The following CLUAP1 variants were observed in gnomAD, a reference collection of about 807,000 sequenced individuals.
CLUAP1 encodes intraflagellar transport 38, also known as clusterin-associated protein 1.
CLUAP1 carries 50 observed loss-of-function variants against 55.0 expected under a neutral mutation model. That is an observed-to-expected ratio of 0.91 (90% confidence interval 0.72 to 1.15). The LOEUF (loss-of-function observed/expected upper bound fraction) is 1.15, where lower values mean the gene tolerates loss of function less well. Ranked by LOEUF, CLUAP1 falls within the 50% of genes most tolerant of loss-of-function variation. CLUAP1 has a pLI of 0.00. For synonymous variants in CLUAP1, 195 were observed against 175.4 expected (o/e 1.11, Z -0.88); for missense variants, 530 against 507.6 (o/e 1.04, Z -0.42).
In CLUAP1 at chr16:3,520,001, A is replaced by T; in HGVS notation, c.678A>T (p.Arg226Ser). ...AAAAGAGAAAATTAGAACTGGAAAGAAATCGGAAGCGACTAGAGACTCTGC... is the reference window on the plus strand; with the variant it reads ...AAAAGAGAAAATTAGAACTGGAAAGTAATCGGAAGCGACTAGAGACTCTGC... ...KIEKRKLELE[R>S]NRKRLETLQS... The change falls in exon 7 of 12, where the codon AGA becomes AGT. Residue 226 changes from arginine to serine, a missense_variant. Coordinates refer to ENST00000576634, the MANE Select transcript of CLUAP1 (RefSeq NM_015041.3). 1 of 1,613,684 alleles carries T rather than the reference A, an allele frequency of 6.2e-7. No individual in the cohort carries two copies. Among genetic ancestry groups the T allele is most frequent in the Non-Finnish European group, 8.5e-7 (1 of 1,179,884 alleles).
At chr16:3,526,190 C>T (rs895195409) in intron 8 of CLUAP1, among the ~76,000 whole-genome samples, 1 of 152,154 alleles carries the variant, frequency 6.6e-6, no homozygotes, top group African/African-American at 2.4e-5. Flanking sequence ...TCACTCTGGG[C>T]GCCCCTGTCC....
Position 3,509,185 on chromosome 16 carries a change from A to G in CLUAP1, c.399+717A>G, listed in dbSNP as rs937098233. Among the ~76,000 whole-genome samples the G allele has an allele frequency of 8.5e-5, 13 of 152,292 alleles. No homozygotes were observed. In the East Asian group the frequency reaches 2.5e-3, roughly 29 times the overall value. ...TGAGGTGGGAAGATCTCTTGAGCCCAGGCAGTCAAGCCATGTTCATGGCAC... is the reference window on the plus strand; with the variant it reads ...TGAGGTGGGAAGATCTCTTGAGCCCGGGCAGTCAAGCCATGTTCATGGCAC... On this transcript the variant is annotated intron_variant, in intron 4 of 11. Coordinates refer to ENST00000576634, the MANE Select transcript of CLUAP1 (RefSeq NM_015041.3).
At chr16:3,500,994 A>T, upstream of CLUAP1, 2 of 1,483,028 alleles carry the variant, frequency 1.3e-6, no homozygotes, top group Non-Finnish European at 1.8e-6. Context: ...TGCCATAGAG[A>T]TCGTCGAGCG....
chr16:3,497,524 G>A (rs184051024), upstream of CLUAP1, among the ~76,000 whole-genome samples: 8 of 152,234 alleles, frequency 5.3e-5, no homozygotes, highest in Admixed American at 1.3e-4. Flanking sequence ...AAATCAAAAT[G>A]GCCTTCATGT....
At chr16:3,533,416 A>G in intron 11 of CLUAP1, 1 of 502,098 alleles carries the variant, frequency 2.0e-6, no homozygotes, top group East Asian at 3.5e-5. Flanking sequence ...GAGGACGCCG[A>G]GGGCCGGGCT....
At chr16:3,532,403 C>CTTTT (rs58037008) in intron 10 of CLUAP1, among the ~76,000 whole-genome samples, 2 of 50,728 alleles carry the variant, frequency 3.9e-5, no homozygotes, top group Non-Finnish European at 7.0e-5. Flanking sequence ...AGCACAGTTG[C>CTTTT]TTTTTTTTTT....
At chr16:3,496,504 T>G (rs918417035), upstream of CLUAP1, 30 of 615,164 alleles carry the variant, frequency 4.9e-5, no homozygotes, top group South Asian at 3.7e-4. Flanking sequence ...AAACTTAAGG[T>G]GTGTGCGCTG....
Position 3,536,472 on chromosome 16 carries a change from A to T in CLUAP1, c.*201A>T, listed in dbSNP as rs2038233599. 3 of 521,902 alleles carry T rather than the reference A, an allele frequency of 5.7e-6. No homozygotes were observed. The highest frequency in any genetic ancestry group is 9.8e-6 in the Non-Finnish European group (3 of 305,736). The allele number at this position is 521,902 out of a possible 1,614,324, so 32.3% of individuals were successfully genotyped here. On this transcript the variant is annotated 3_prime_UTR_variant, in exon 12 of 12. Transcript: ENST00000576634. The stretch of plus-strand genomic sequence containing the variant: ...ATAAGAATTGAAGCAAATCCCTAAG[A>T]TTTATTTTTTTCCACCTTATTTATC...
At chr16:3,527,541 C>T (rs1009846546) in intron 9 of CLUAP1, among the ~76,000 whole-genome samples, 17 of 152,166 alleles carry the variant, frequency 1.1e-4, no homozygotes, top group East Asian at 3.9e-4. Context: ...GAAAGGGAGT[C>T]TCCCTTTCCC....
In CLUAP1 at chr16:3,537,998, C is replaced by CCA. The variant is rs2038267822; in HGVS notation, c.*1727_*1728insCA. ...TGGGCAGCAGAGTGAGACTCCATCT[C>CCA]AAAAAAAAAAAAAAAAAAAAAAGCA... On this transcript the variant is annotated 3_prime_UTR_variant, in exon 12 of 12. Transcript: ENST00000576634. 1 of 36,712 alleles carries CCA rather than the reference C, an allele frequency of 2.7e-5. No homozygotes were observed. Among genetic ancestry groups the CCA allele is most frequent in the Non-Finnish European group, 5.3e-5 (1 of 18,780 alleles). The allele number at this position is 36,712 out of a possible 1,614,324, so 2.3% of individuals were successfully genotyped here.
chr16:3,523,594 T>C (rs985255935), intron 8 of CLUAP1, among the ~76,000 whole-genome samples: 4 of 152,232 alleles, frequency 2.6e-5, no homozygotes, highest in Non-Finnish European at 5.9e-5. Context: ...ATGGGGCCTG[T>C]GCTTGCTTTC....
At chr16:3,518,827 G>C (rs1267440548) in intron 6 of CLUAP1, among the ~76,000 whole-genome samples, 3 of 152,218 alleles carry the variant, frequency 2.0e-5, no homozygotes, top group Non-Finnish European at 2.9e-5. Context: ...CCATGCCTGA[G>C]AGTTGTGGAG....
chr16:3,496,583 G>T, upstream of CLUAP1: 2 of 537,488 alleles, frequency 3.7e-6, no homozygotes, highest in South Asian at 2.8e-5. Flanking sequence ...CGATCAGCTG[G>T]CCCTGGACTC....
At chr16:3,507,717 T>TGTGC (rs1177143244) in intron 3 of CLUAP1, among the ~76,000 whole-genome samples, 3 of 146,330 alleles carry the variant, frequency 2.1e-5, no homozygotes, top group Admixed American at 7.0e-5. Flanking sequence ...TGTGTGTGTG[T>TGTGC]GCAAATAAAA....
At chr16:3,509,484 G>T (rs2037577439) in intron 4 of CLUAP1, among the ~76,000 whole-genome samples, 1 of 152,252 alleles carries the variant, frequency 6.6e-6, no homozygotes, top group Non-Finnish European at 1.5e-5. Flanking sequence ...AGGGCTGGAA[G>T]CAGCGAGCCT....
chr16:3,513,501 G>A (rs9746333), intron 5 of CLUAP1, among the ~76,000 whole-genome samples: 3,806 of 152,142 alleles, frequency 0.025, 151 homozygotes, highest in African/African-American at 0.081. Flanking sequence ...CCAGGCTGGA[G>A]TGCGGTGGCT....
intron 6 of CLUAP1, among the ~76,000 whole-genome samples, chr16:3,518,275 C>G (rs575908287): frequency 8.1e-4 from 123 of 152,234 alleles, no homozygotes; most frequent in African/African-American, 2.6e-3. Context: ...ATCAGGTGAA[C>G]ACGGCATGAA....
rs1357045850 is a variant in CLUAP1, at chr16:3,536,333, A to T, written c.*62A>T. Reference sequence around the variant, plus strand: ...CAGACTTGTAGGTAAATGGGAACTTAGAAGGTTAGGAAGGTAACCCCTGTT... The same window carrying T: ...CAGACTTGTAGGTAAATGGGAACTTTGAAGGTTAGGAAGGTAACCCCTGTT... On this transcript the variant is annotated 3_prime_UTR_variant, in exon 12 of 12. Transcript: ENST00000576634. 1 of 1,572,798 alleles carries T rather than the reference A, an allele frequency of 6.4e-7. No homozygotes were observed. The highest frequency in any genetic ancestry group is 8.7e-7 in the Non-Finnish European group (1 of 1,153,482).
chr16:3,496,880 T>C (rs544308151), upstream of CLUAP1: 83 of 302,822 alleles, frequency 2.7e-4, no homozygotes, highest in African/African-American at 1.6e-3. Flanking sequence ...TTTCTTTTTT[T>C]TTTTTTTTAA....
Sources: allele counts gnomAD v4.1 joint callset (sites outside exome capture counted in the v4.1 genomes callset), GRCh38; gene constraint gnomAD v4.1.1; transcripts MANE v1.5; gene names NCBI Gene and HGNC (gene_info 2026-07-23, HGNC 2026-07-21).